The following HPSE2 variants were observed in gnomAD, a reference collection of about 807,000 sequenced individuals.
The protein encoded by HPSE2 is inactive heparanase-2.
HPSE2 carries 38 observed loss-of-function variants against 60.5 expected under a neutral mutation model. The ratio of observed to expected loss-of-function variants is 0.63; its 90% CI spans 0.48 to 0.82. HPSE2 has a LOEUF of 0.82. Ranked by LOEUF, HPSE2 falls within the 40% of genes least tolerant of loss-of-function variation. HPSE2 has a pLI of 0.00. For missense variants in HPSE2, 713 were observed against 740.4 expected (o/e 0.96, Z 0.43); for synonymous variants, 295 against 293.2 (o/e 1.01, Z -0.06).
At chr10:99,205,475 G>A (rs529689331) in intron 2 of HPSE2, among the ~76,000 whole-genome samples, 4 of 152,154 alleles carry the variant, frequency 2.6e-5, no homozygotes, top group South Asian at 2.1e-4. Flanking sequence ...CCAGCCACTC[G>A]GGAGGCTGAG....
intron 9 of HPSE2, among the ~76,000 whole-genome samples, chr10:98,580,142 C>G (rs1381364601): frequency 3.3e-5 from 5 of 152,170 alleles, no homozygotes; most frequent in African/African-American, 1.2e-4. Context: ...TAGCCTTACT[C>G]CTTTTTCTCT....
intron 3 of HPSE2, among the ~76,000 whole-genome samples, chr10:98,978,710 T>C (rs1385982141): frequency 1.3e-5 from 2 of 152,208 alleles, no homozygotes; most frequent in East Asian, 3.8e-4. Context: ...TGCTAACTCC[T>C]TCAAAGCATC....
chr10:98,550,588 C>T (rs760835601), intron 9 of HPSE2, among the ~76,000 whole-genome samples: 2 of 152,034 alleles, frequency 1.3e-5, no homozygotes, highest in Non-Finnish European at 2.9e-5. Flanking sequence ...CCTGCCTCAG[C>T]CCCTGAGTAG....
chr10:98,630,704 A>AT lies in HPSE2; in HGVS notation c.1099-9997dup, dbSNP rs775289697. On this transcript the variant is annotated intron_variant, in intron 7 of 11. Coordinates refer to ENST00000370552, the MANE Select transcript of HPSE2 (RefSeq NM_021828.5). ...TTATTATACTGAATTGTAATTTTCTATTTTTTTTCCTTTTTGCATGCCCTA... is the reference window on the plus strand; with the variant it reads ...TTATTATACTGAATTGTAATTTTCTATTTTTTTTTCCTTTTTGCATGCCCTA... Among the ~76,000 whole-genome samples, 70 of 151,618 alleles carry AT rather than the reference A, an allele frequency of 4.6e-4. 3 individuals carry two copies. Among genetic ancestry groups the AT allele is most frequent in the East Asian group, 2.7e-3 (14 of 5,148 alleles).
In HPSE2 at chr10:99,051,401, A is replaced by T. The variant is rs1957988840; in HGVS notation, c.610+92837T>A. Among the ~76,000 whole-genome samples, 7 of 152,192 alleles carry T rather than the reference A, an allele frequency of 4.6e-5. No individual in the cohort carries two copies. In the South Asian group the frequency reaches 1.2e-3, roughly 27 times the overall value. Reference sequence around the variant, plus strand: ...AAACAAAAAAAAGAAAGACCTATAAATAATAACTTACCCAATACTCTATTC... The same window carrying T: ...AAACAAAAAAAAGAAAGACCTATAATTAATAACTTACCCAATACTCTATTC... On this transcript the variant is annotated intron_variant, in intron 3 of 11. Coordinates refer to ENST00000370552, the MANE Select transcript of HPSE2 (RefSeq NM_021828.5).
chr10:98,727,302 T>A (rs190465989), intron 4 of HPSE2, among the ~76,000 whole-genome samples: 2 of 152,306 alleles, frequency 1.3e-5, no homozygotes, highest in Non-Finnish European at 2.9e-5. Context: ...ACTGCCTCTA[T>A]ATTAGGGGCC....
At chr10:99,131,544 A>G (rs1045279674) in intron 3 of HPSE2, among the ~76,000 whole-genome samples, 3 of 152,078 alleles carry the variant, frequency 2.0e-5, no homozygotes, top group Non-Finnish European at 4.4e-5. Flanking sequence ...CATGCACACC[A>G]TGGAATACTA....
At chr10:98,645,923 C>G in intron 6 of HPSE2, among the ~76,000 whole-genome samples, 1 of 151,960 alleles carries the variant, frequency 6.6e-6, no homozygotes, top group Admixed American at 6.6e-5. Flanking sequence ...TGCAGTGAGC[C>G]GAGATTGTGC....
At chr10:98,589,856 G>C (rs181388340) in intron 9 of HPSE2, among the ~76,000 whole-genome samples, 7 of 152,272 alleles carry the variant, frequency 4.6e-5, no homozygotes, top group Admixed American at 4.6e-4. Context: ...TCATTCCCTT[G>C]AATCCTCATC....
chr10:99,132,206 AGAGAGAGAGAGAGAGAGAGAGAGAGAG>A (rs1564832955), intron 3 of HPSE2, among the ~76,000 whole-genome samples: 6 of 24,506 alleles, frequency 2.4e-4, no homozygotes, highest in Non-Finnish European at 3.5e-4. Flanking sequence ...AGAGAGAGAG[AGAGAGAGAGAGAGAGAGAGAGAGAGAG>A]AGAGAGAGAG....
intron 3 of HPSE2, among the ~76,000 whole-genome samples, chr10:99,085,551 C>A (rs538459421): frequency 6.6e-6 from 1 of 152,150 alleles, no homozygotes; most frequent in Admixed American, 6.5e-5. Flanking sequence ...CATCATACTG[C>A]TTCATAAACT....
At chr10:98,874,169 G>C (rs1952809927) in intron 3 of HPSE2, among the ~76,000 whole-genome samples, 1 of 130,964 alleles carries the variant, frequency 7.6e-6, no homozygotes, top group Admixed American at 7.2e-5. Context: ...TGTTCACTCT[G>C]ATGTTTTTTT....
At chr10:99,298,740 T>A in the HPSE2 span, among the ~76,000 whole-genome samples, 6 of 151,826 alleles carry the variant, frequency 4.0e-5, no homozygotes, top group Admixed American at 3.3e-4. Context: ...AGTGGCATGA[T>A]CTTGGCTCAC....
intron 3 of HPSE2, among the ~76,000 whole-genome samples, chr10:98,936,985 A>C (rs1393480092): frequency 1.4e-5 from 2 of 139,276 alleles, no homozygotes; most frequent in Admixed American, 7.1e-5. Context: ...TCTCAAAAAA[A>C]AAAAAAAAAA....
intron 9 of HPSE2, among the ~76,000 whole-genome samples, chr10:98,496,220 T>A (rs960750147): frequency 1.3e-5 from 2 of 152,118 alleles, no homozygotes; most frequent in African/African-American, 4.8e-5. Flanking sequence ...GTATACACAG[T>A]TGCTTTTGAA....
At position 98,919,808 on chromosome 10, in the gene HPSE2, A is replaced by G. The variant is rs149675708; in HGVS notation, c.611-175752T>C. Among the ~76,000 whole-genome samples the G allele has an allele frequency of 7.9e-5, 12 of 152,338 alleles. No homozygotes were observed. The East Asian group carries it at 2.3e-3, about 29-fold the overall frequency. On this transcript the variant is annotated intron_variant, in intron 3 of 11. Coordinates refer to ENST00000370552, the MANE Select transcript of HPSE2 (RefSeq NM_021828.5). ...TGGATATGGTGTCTGGAAAAGAAGG[A>G]ACGAAGAGGTTTTTATGGAGGATGC...
At chr10:98,648,406 T>C (rs1250916205) in intron 6 of HPSE2, among the ~76,000 whole-genome samples, 1 of 152,172 alleles carries the variant, frequency 6.6e-6, no homozygotes, top group African/African-American at 2.4e-5. Context: ...ACCAGAATTG[T>C]GGGCAGAAGT....
chr10:98,718,296 G>A (rs1471227687), intron 5 of HPSE2, among the ~76,000 whole-genome samples: 1 of 152,148 alleles, frequency 6.6e-6, no homozygotes, highest in Non-Finnish European at 1.5e-5. Context: ...CCAGGCCACA[G>A]GCTGATCCCT....
chr10:98,725,552 G>T (rs1172978335), intron 4 of HPSE2, among the ~76,000 whole-genome samples: 1 of 152,078 alleles, frequency 6.6e-6, no homozygotes, highest in African/African-American at 2.4e-5. Flanking sequence ...GAAAACCTAG[G>T]CAATACCATT....
Sources: gnomAD v4.1 joint callset for allele counts (sites outside exome capture counted in the v4.1 genomes callset) on GRCh38, gnomAD v4.1.1 for gene constraint, MANE v1.5 for transcripts, NCBI Gene and HGNC (gene_info 2026-07-23, HGNC 2026-07-21) for gene names.